CLYBL: variants seen among roughly 807,000 people sequenced by gnomAD.
The protein encoded by CLYBL is citramalyl-CoA lyase.
CLYBL carries 31 observed loss-of-function variants against 38.9 expected under a neutral mutation model. The observed-to-expected ratio is 0.80, with a 90% CI of 0.60 to 1.08. CLYBL has a LOEUF of 1.08. Ranked by LOEUF, CLYBL falls within the 50% of genes least tolerant of loss-of-function variation. The pLI is 0.00. For synonymous variants in CLYBL, 171 were observed against 158.6 expected (o/e 1.08, Z -0.59); for missense variants, 434 against 411.6 (o/e 1.05, Z -0.47).
At chr13:99,835,150 C>G (rs573356413) in intron 2 of CLYBL, among the ~76,000 whole-genome samples, 2 of 152,226 alleles carry the variant, frequency 1.3e-5, no homozygotes, top group African/African-American at 2.4e-5. Flanking sequence ...TCACCGTCGC[C>G]TCTACCCTCT....
intron 1 of CLYBL, among the ~76,000 whole-genome samples, chr13:99,699,322 T>C (rs1484897222): frequency 6.7e-6 from 1 of 150,266 alleles, no homozygotes; most frequent in Non-Finnish European, 1.5e-5. Flanking sequence ...GAGGTGGAGG[T>C]TGTGGTAAGC....
At chr13:99,781,164 T>TTTTA (rs1163809401) in intron 2 of CLYBL, among the ~76,000 whole-genome samples, 11 of 103,852 alleles carry the variant, frequency 1.1e-4, no homozygotes, top group Middle Eastern at 5.1e-3. Context: ...TATTATTTAT[T>TTTTA]TTTATTTATT....
chr13:99,716,169 A>AGTTTTTTTTTTTTTT (rs1361639397), intron 1 of CLYBL, among the ~76,000 whole-genome samples: 1 of 33,434 alleles, frequency 3.0e-5, no homozygotes, highest in African/African-American at 9.9e-5. Flanking sequence ...TATTGGTGTA[A>AGTTTTTTTTTTTTTT]TTTTTTTTTT....
rs1298950652 is a variant in CLYBL, at chr13:99,882,958, T to TGGGCC, written c.928-8354_928-8350dup. On this transcript the variant is annotated intron_variant, in intron 7 of 8. Coordinates refer to ENST00000339105, the MANE Select transcript of CLYBL (RefSeq NM_206808.5). The stretch of plus-strand genomic sequence containing the variant: ...ATGCTGTCCCACTCGGAAGTAGGGC[T>TGGGCC]GGGCCGGGCCAGGCCAGGCCAGCCC... Among the ~76,000 whole-genome samples the TGGGCC allele has an allele frequency of 4.1e-3, 629 of 152,066 alleles. 3 individuals carry two copies. The highest frequency in any genetic ancestry group is 0.015 in the African/African-American group (604 of 41,486).
chr13:99,656,263 C>T (rs1371770342), intron 1 of CLYBL, among the ~76,000 whole-genome samples: 2 of 152,126 alleles, frequency 1.3e-5, no homozygotes, highest in Admixed American at 1.3e-4. Flanking sequence ...GCGTGTTTGT[C>T]AGGGAGTAGA....
rs1011190809 is a variant in CLYBL at position 99,742,055 on chromosome 13, G to A, written c.63-30769G>A. 6.6e-5 allele frequency among the ~76,000 whole-genome samples: 10 copies of A among 152,272 alleles called. No individual in the cohort carries two copies. In the East Asian group the frequency reaches 1.9e-3, roughly 29 times the overall value. ...TCACTTGACAATCATTTTATGATTT[G>A]AATGTTCACTTGCAATGAGACCCTG... is the stretch of plus-strand genomic sequence containing the variant. On this transcript the variant is annotated intron_variant, in intron 1 of 8. Coordinates refer to ENST00000339105, the MANE Select transcript of CLYBL (RefSeq NM_206808.5).
intron 1 of CLYBL, among the ~76,000 whole-genome samples, chr13:99,632,154 C>T (rs1201321471): frequency 1.3e-5 from 2 of 152,060 alleles, no homozygotes; most frequent in Non-Finnish European, 2.9e-5. Flanking sequence ...GAGGGAAACC[C>T]CAGAGAGGAG....
intron 2 of CLYBL, among the ~76,000 whole-genome samples, chr13:99,812,245 A>G (rs1390298832): frequency 6.6e-6 from 1 of 152,238 alleles, no homozygotes; most frequent in African/African-American, 2.4e-5. Flanking sequence ...AGAGTTTTCT[A>G]ACAAGGGATT....
chr13:99,728,266 GTTTCT>G (rs201635311), intron 1 of CLYBL, among the ~76,000 whole-genome samples: 7 of 139,866 alleles, frequency 5.0e-5, no homozygotes, highest in Admixed American at 1.4e-4. Context: ...ATATACATAT[GTTTCT>G]TTTCTTTTCT....
chr13:99,697,567 A>G (rs2047998636), intron 1 of CLYBL, among the ~76,000 whole-genome samples: 1 of 149,596 alleles, frequency 6.7e-6, no homozygotes, highest in Non-Finnish European at 1.5e-5. Flanking sequence ...ATGGGGTTTC[A>G]CCATGTTGGC....
At chr13:99,627,707 G>T (rs1594090234) in intron 1 of CLYBL, among the ~76,000 whole-genome samples, 1 of 152,208 alleles carries the variant, frequency 6.6e-6, no homozygotes, top group East Asian at 1.9e-4. Flanking sequence ...AAAAACTAAG[G>T]TTTCCCCTAC....
chr13:99,663,448 G>C (rs1336582548), intron 1 of CLYBL, among the ~76,000 whole-genome samples: 1 of 152,148 alleles, frequency 6.6e-6, no homozygotes, highest in Non-Finnish European at 1.5e-5. Context: ...CCCATGTCTA[G>C]TGTGCCCTCA....
At chr13:99,710,711 C>T (rs2048216861) in intron 1 of CLYBL, among the ~76,000 whole-genome samples, 2 of 152,100 alleles carry the variant, frequency 1.3e-5, no homozygotes, top group Admixed American at 6.6e-5. Context: ...CACCATTTAG[C>T]CCCTGTCTTG....
At chr13:99,800,919 A>C (rs966562982) in intron 2 of CLYBL, among the ~76,000 whole-genome samples, 6 of 151,808 alleles carry the variant, frequency 4.0e-5, no homozygotes, top group Non-Finnish European at 5.9e-5. Flanking sequence ...AAAAAAAAAA[A>C]ACGTAATTGG....
intron 1 of CLYBL, among the ~76,000 whole-genome samples, chr13:99,661,044 T>C (rs566417538): frequency 1.6e-4 from 25 of 152,184 alleles, no homozygotes; most frequent in Admixed American, 4.6e-4. Flanking sequence ...TAGTAGACCA[T>C]CCCATTAAAA....
At chr13:99,763,716 G>A (rs376169758) in intron 1 of CLYBL, among the ~76,000 whole-genome samples, 32 of 151,834 alleles carry the variant, frequency 2.1e-4, no homozygotes, top group African/African-American at 7.2e-4. Context: ...CACCACGCCC[G>A]GCTAATTTTT....
At chr13:99,797,232 A>G (rs2761158) in intron 2 of CLYBL, among the ~76,000 whole-genome samples, 58,141 of 152,008 alleles carry the variant, frequency 0.38, 11,411 homozygotes, top group Middle Eastern at 0.48. Flanking sequence ...CATGAGTTGA[A>G]CGATTTTAAT....
intron 2 of CLYBL, among the ~76,000 whole-genome samples, chr13:99,838,928 G>A (rs576120023): frequency 1.3e-5 from 2 of 152,162 alleles, no homozygotes; most frequent in African/African-American, 4.8e-5. Context: ...CGTGAACCAC[G>A]GCGCCTGGCC....
At chr13:99,652,970 C>A (rs2047277076) in intron 1 of CLYBL, among the ~76,000 whole-genome samples, 1 of 152,186 alleles carries the variant, frequency 6.6e-6, no homozygotes, top group African/African-American at 2.4e-5. Context: ...AGCAGATGAG[C>A]TGGTGGCGGT....
Sources: allele counts gnomAD v4.1 joint callset (sites outside exome capture counted in the v4.1 genomes callset), GRCh38; gene constraint gnomAD v4.1.1; transcripts MANE v1.5; gene names NCBI Gene and HGNC (gene_info 2026-07-23, HGNC 2026-07-21).